RGL1: variants seen among roughly 807,000 people sequenced by gnomAD.
The protein encoded by RGL1 is ral guanine nucleotide dissociation stimulator like 1, also known as ral guanine nucleotide dissociation stimulator-like 1.
A neutral mutation model predicts 95.2 loss-of-function variants in RGL1; 24 were observed. The observed-to-expected ratio is 0.25, with a 90% CI of 0.18 to 0.35. The LOEUF (loss-of-function observed/expected upper bound fraction) is 0.35. Ranked by LOEUF, RGL1 falls within the 10% of genes least tolerant of loss-of-function variation. The probability of loss-of-function intolerance (pLI) is 1.00; values close to 1 mark genes in which losing one functional copy is unlikely to be tolerated. For missense variants in RGL1, 715 were observed against 936.3 expected (o/e 0.76, Z 3.08); for synonymous variants, 329 against 344.9 (o/e 0.95, Z 0.51).
At chr1:183,658,262 T>C (rs1651332545) in intron 1 of RGL1, among the ~76,000 whole-genome samples, 1 of 152,182 alleles carries the variant, frequency 6.6e-6, no homozygotes, top group Non-Finnish European at 1.5e-5. Flanking sequence ...AGGCATTGCC[T>C]CACTCGGGAA....
chr1:183,884,711 CTT>C lies in RGL1; in HGVS notation c.736-9_736-8del. The C allele has an allele frequency of 6.2e-7, 1 of 1,612,546 alleles. No individual in the cohort carries two copies. Among genetic ancestry groups the C allele is most frequent in the Non-Finnish European group, 8.5e-7 (1 of 1,178,664 alleles). ...TGTGTTGTCCTTAAAGTCAGTTCCT[CTT>C]TTGTTCCAGCAACTCTTCAAGAAAG... On this transcript the variant is annotated splice_polypyrimidine_tract_variant and intron_variant, in intron 6 of 17. Transcript: ENST00000360851.
At chr1:183,829,232 A>T (rs935447349) in intron 2 of RGL1, among the ~76,000 whole-genome samples, 4 of 152,098 alleles carry the variant, frequency 2.6e-5, no homozygotes, top group Non-Finnish European at 5.9e-5. Context: ...GGATAGCTTG[A>T]GCCCATGAGT....
At chr1:183,756,367 G>A (rs1234725559) in intron 2 of RGL1, among the ~76,000 whole-genome samples, 6 of 152,152 alleles carry the variant, frequency 3.9e-5, no homozygotes. Flanking sequence ...GGGAGTGTTA[G>A]AGAGAATGTC....
intron 4 of RGL1, among the ~76,000 whole-genome samples, chr1:183,875,770 T>A (rs1358689284): frequency 1.3e-5 from 2 of 149,590 alleles, no homozygotes; most frequent in Non-Finnish European, 3.0e-5. Flanking sequence ...TCCCAGCTAC[T>A]CGGGAGGCTG....
chr1:183,872,271 C>G (rs1015300970), intron 4 of RGL1, among the ~76,000 whole-genome samples: 1 of 152,140 alleles, frequency 6.6e-6, no homozygotes, highest in Admixed American at 6.5e-5. Context: ...TTTTACAACA[C>G]GAATCTTCAT....
intron 2 of RGL1, among the ~76,000 whole-genome samples, chr1:183,746,019 T>C (rs1657601178): frequency 8.5e-6 from 1 of 117,320 alleles, no homozygotes. Context: ...GTTCCTTCAA[T>C]TCATTTTTTT....
chr1:183,772,870 G>T (rs559566717), intron 2 of RGL1, among the ~76,000 whole-genome samples: 2 of 151,098 alleles, frequency 1.3e-5, no homozygotes, highest in African/African-American at 4.9e-5. Context: ...TTAGCCGGGC[G>T]CGGTGGCGGG....
intron 2 of RGL1, among the ~76,000 whole-genome samples, chr1:183,745,890 G>A (rs1173376131): frequency 6.6e-6 from 1 of 152,046 alleles, no homozygotes; most frequent in African/African-American, 2.4e-5. Flanking sequence ...ATATTCAATG[G>A]CTATCTTGTC....
chr1:183,687,098 G>A (rs956548439), intron 1 of RGL1, among the ~76,000 whole-genome samples: 1 of 151,934 alleles, frequency 6.6e-6, no homozygotes, highest in Admixed American at 6.6e-5. Context: ...CATCCCAATT[G>A]GTTTTCCTGC....
At chr1:183,754,732 T>A (rs1658229039) in intron 2 of RGL1, 1 of 152,246 alleles carries the variant, frequency 6.6e-6, no homozygotes. Flanking sequence ...GGAGATGTAA[T>A]CTCTGGCTGA....
intron 2 of RGL1, among the ~76,000 whole-genome samples, chr1:183,775,272 A>G (rs1173103021): frequency 6.6e-6 from 1 of 152,190 alleles, no homozygotes; most frequent in Non-Finnish European, 1.5e-5. Flanking sequence ...ATATGCCTTA[A>G]TGGTTACATG....
intron 1 of RGL1, among the ~76,000 whole-genome samples, chr1:183,644,663 T>C (rs1650163140): frequency 6.6e-6 from 1 of 152,092 alleles, no homozygotes; most frequent in East Asian, 1.9e-4. Context: ...TTTTATTTTT[T>C]TAATTTTTAA....
chr1:183,760,004 G>A (rs1281680715), intron 2 of RGL1, among the ~76,000 whole-genome samples: 1 of 151,938 alleles, frequency 6.6e-6, no homozygotes, highest in Non-Finnish European at 1.5e-5. Context: ...CATACCTCGT[G>A]GATACCTGGT....
intron 2 of RGL1, among the ~76,000 whole-genome samples, chr1:183,755,590 G>C (rs1572373356): frequency 1.3e-5 from 2 of 151,848 alleles, no homozygotes; most frequent in African/African-American, 4.8e-5. Context: ...TTTTTTGATT[G>C]GTGATTACAT....
intron 2 of RGL1, among the ~76,000 whole-genome samples, chr1:183,842,542 C>T (rs994793638): frequency 1.3e-5 from 2 of 151,980 alleles, no homozygotes; most frequent in Non-Finnish European, 1.5e-5. Context: ...AGATATTTAC[C>T]CCATAGGACT....
Position 183,926,500 on chromosome 1 carries a change from A to G in RGL1, c.*208A>G, listed in dbSNP as rs897764648. On this transcript the variant is annotated 3_prime_UTR_variant, in exon 18 of 18. Transcript: ENST00000360851. Reference sequence around the variant, plus strand: ...CATGAAAAGGATGAACGATTCACTGATTCTCTTTGACTCATTTGAGACTAA... The same window carrying G: ...CATGAAAAGGATGAACGATTCACTGGTTCTCTTTGACTCATTTGAGACTAA... The G allele has an allele frequency of 4.8e-6, 2 of 414,466 alleles. No individual in the cohort carries two copies. Among genetic ancestry groups the G allele is most frequent in the African/African-American group, 4.1e-5 (2 of 49,114 alleles). The allele number at this position is 414,466 out of a possible 1,614,324, so 25.7% of individuals were successfully genotyped here.
chr1:183,873,471 G>C (rs1666305042), intron 4 of RGL1, among the ~76,000 whole-genome samples: 1 of 152,174 alleles, frequency 6.6e-6, no homozygotes, highest in Non-Finnish European at 1.5e-5. Flanking sequence ...ACTAAGATCA[G>C]GCAGGTGGTT....
At chr1:183,891,252 A>G (rs1468583337) in intron 8 of RGL1, among the ~76,000 whole-genome samples, 1 of 152,054 alleles carries the variant, frequency 6.6e-6, no homozygotes, top group African/African-American at 2.4e-5. Context: ...TGCCCCTATT[A>G]ATTCTTTGTC....
chr1:183,737,770 C>A (rs1420633387), intron 1 of RGL1, among the ~76,000 whole-genome samples: 1 of 151,990 alleles, frequency 6.6e-6, no homozygotes, highest in Non-Finnish European at 1.5e-5. Flanking sequence ...AAACAATTTT[C>A]TTTTTTAATT....
Sources: gnomAD v4.1 joint callset for allele counts (sites outside exome capture counted in the v4.1 genomes callset) on GRCh38, gnomAD v4.1.1 for gene constraint, MANE v1.5 for transcripts, NCBI Gene and HGNC (gene_info 2026-07-23, HGNC 2026-07-21) for gene names.